The following RXRA variants were observed in gnomAD, a reference collection of about 807,000 sequenced individuals.
RXRA encodes retinoid X receptor alpha, also known as retinoic acid receptor RXR-alpha.
Under a neutral mutation model 44.5 loss-of-function variants are expected in RXRA, and 5 were observed. That is an observed-to-expected ratio of 0.11 (90% confidence interval 0.06 to 0.24). The LOEUF (loss-of-function observed/expected upper bound fraction) is 0.24, where lower values mean the gene tolerates loss of function less well. RXRA is among the 10% of genes least tolerant of loss of function. RXRA has a pLI of 1.00. For synonymous variants in RXRA, 291 were observed against 271.4 expected (o/e 1.07, Z -0.71); for missense variants, 412 against 646.5 (o/e 0.64, Z 3.93).
intron 1 of RXRA, among the ~76,000 whole-genome samples, chr9:134,389,267 G>A (rs894896076): frequency 1.3e-5 from 2 of 152,234 alleles, no homozygotes; most frequent in African/African-American, 2.4e-5. Flanking sequence ...TGGGTTCCCT[G>A]CACACGTGGG....
intron 2 of RXRA, 29 bp downstream of exon 2, chr9:134,401,911 G>T: frequency 6.5e-7 from 1 of 1,541,322 alleles, no homozygotes; most frequent in Non-Finnish European, 8.8e-7. Context: ...CAAGGGGAGG[G>T]GGTGGGGCCT....
chr9:134,404,160 G>A (rs1375220992), intron 2 of RXRA: 2 of 152,264 alleles, frequency 1.3e-5, no homozygotes, highest in Admixed American at 6.5e-5. Context: ...AGTCGCTGGA[G>A]CCAGAGAGAT....
At chr9:134,364,009 C>T (rs534825738) in intron 1 of RXRA, among the ~76,000 whole-genome samples, 12 of 152,332 alleles carry the variant, frequency 7.9e-5, no homozygotes, top group Non-Finnish European at 1.6e-4. Context: ...TCTCCTCTCC[C>T]AGTTGCCCCT....
chr9:134,351,525 G>T (rs943626277), intron 1 of RXRA, among the ~76,000 whole-genome samples: 2 of 152,348 alleles, frequency 1.3e-5, no homozygotes, highest in South Asian at 2.1e-4. Flanking sequence ...CTCAGGAAAC[G>T]CAATCCCTTC....
At chr9:134,347,941 AC>A (rs1279049093) in intron 1 of RXRA, among the ~76,000 whole-genome samples, 1 of 151,610 alleles carries the variant, frequency 6.6e-6, no homozygotes, top group African/African-American at 2.4e-5. Flanking sequence ...GTGAGGATGG[AC>A]CCCAGGGGCA....
chr9:134,434,572 G>A (rs563216439), intron 9 of RXRA, among the ~76,000 whole-genome samples: 8 of 152,210 alleles, frequency 5.3e-5, no homozygotes, highest in Non-Finnish European at 1.0e-4. Flanking sequence ...ACAAGCATGT[G>A]TAGAATGGAT....
rs553721842 is a variant in RXRA, at chr9:134,379,538, A to G, written c.29-22094A>G. The G allele has an allele frequency of 2.6e-5, 26 of 985,536 alleles. No homozygotes were observed. The South Asian group carries it at 1.0e-3, about 39-fold the overall frequency. The allele number at this position is 985,536 out of a possible 1,614,324, so 61.0% of individuals were successfully genotyped here. On this transcript the variant is annotated intron_variant, in intron 1 of 9. Coordinates refer to ENST00000481739, the MANE Select transcript of RXRA (RefSeq NM_002957.6). ...CAGGCACTGCCAGTGGCCGTGGCCC[A>G]GGGTCTTGGTGGCTCGGCCTCATGG... is the stretch of plus-strand genomic sequence containing the variant.
At chr9:134,422,337 C>A (rs1564294930) in intron 6 of RXRA, 1 of 1,284,556 alleles carries the variant, frequency 7.8e-7, no homozygotes, top group Non-Finnish European at 1.0e-6. Flanking sequence ...TCCTGGGACA[C>A]TACCCCCTCC....
At chr9:134,354,680 C>T (rs1830262088) in intron 1 of RXRA, among the ~76,000 whole-genome samples, 2 of 152,234 alleles carry the variant, frequency 1.3e-5, no homozygotes, top group African/African-American at 2.4e-5. Flanking sequence ...CAGGGTTCCT[C>T]CTGCAGCTGT....
At chr9:134,326,718 A>T in intron 1 of RXRA, 59 bp downstream of exon 1, 1 of 323,820 alleles carries the variant, frequency 3.1e-6, no homozygotes, top group Non-Finnish European at 4.1e-6. Flanking sequence ...GGCGGGCGGG[A>T]GGGGGCCGGG....
At position 134,422,167 on chromosome 9, in the gene RXRA, C is replaced by T. The variant is rs868690043; in HGVS notation, c.910+362C>T. On this transcript the variant is annotated intron_variant, in intron 6 of 9. Transcript: ENST00000481739. ...ACACACTTCCCCCTCCTGGGACACA[C>T]TTCCCCCTCCTGGGACACACTTCCC... The T allele has an allele frequency of 3.9e-5, 50 of 1,297,834 alleles. No homozygotes were observed. The Middle Eastern group carries it at 1.1e-3, about 27-fold the overall frequency. The allele number at this position is 1,297,834 out of a possible 1,614,324, so 80.4% of individuals were successfully genotyped here. A position where few individuals can be genotyped will look rare whatever the true frequency, so the allele number is the denominator to read the frequency against.
rs944134136 is a variant in RXRA at position 134,379,519 on chromosome 9, C to T, written c.29-22113C>T. 18 of 986,150 alleles carry T rather than the reference C, an allele frequency of 1.8e-5. No individual in the cohort carries two copies. The Admixed American group carries it at 1.8e-4, about 10-fold the overall frequency. The allele number at this position is 986,150 out of a possible 1,614,324, so 61.1% of individuals were successfully genotyped here. A position where few individuals can be genotyped will look rare whatever the true frequency, so the allele number is the denominator to read the frequency against. ...CATCACTGACCGTCTGTGGCAGGCA[C>T]TGCCAGTGGCCGTGGCCCAGGGTCT... On this transcript the variant is annotated intron_variant, in intron 1 of 9. Coordinates refer to ENST00000481739, the MANE Select transcript of RXRA (RefSeq NM_002957.6).
At position 134,439,912 on chromosome 9, in the gene RXRA, G is replaced by A. The variant is rs1260421601; in HGVS notation, c.*3298G>A. On this transcript the variant is annotated 3_prime_UTR_variant, in exon 10 of 10. Transcript: ENST00000481739. ...CCCTCCTTTGGTGAAATCCGGGTTC[G>A]AATGAATATCTCAAGGCAGGAGATG... 1.3e-5 allele frequency: 2 copies of A among 152,378 alleles called. No individual in the cohort carries two copies. Among genetic ancestry groups the A allele is most frequent in the East Asian group, 1.9e-4 (1 of 5,196 alleles). 9.4% of individuals were successfully genotyped at this position (152,378 alleles called of 1,614,324 possible). A position where few individuals can be genotyped will look rare whatever the true frequency, so the allele number is the denominator to read the frequency against.
At chr9:134,351,307 C>T (rs1341414822) in intron 1 of RXRA, among the ~76,000 whole-genome samples, 4 of 152,190 alleles carry the variant, frequency 2.6e-5, no homozygotes, top group East Asian at 1.9e-4. Flanking sequence ...AAGGGGCAGT[C>T]GGGAGGTCAC....
At chr9:134,331,205 C>T (rs1169275800) in intron 1 of RXRA, among the ~76,000 whole-genome samples, 4 of 152,216 alleles carry the variant, frequency 2.6e-5, no homozygotes, top group African/African-American at 9.6e-5. Context: ...GGGCGAGGGA[C>T]CGCGGTTTGC....
intron 1 of RXRA, among the ~76,000 whole-genome samples, chr9:134,346,983 C>T (rs1421115764): frequency 1.3e-5 from 2 of 152,296 alleles, no homozygotes; most frequent in East Asian, 3.9e-4. Flanking sequence ...CTGGACCTGG[C>T]CCTTGCGGGG....
At chr9:134,392,837 G>C (rs969246399) in intron 1 of RXRA, among the ~76,000 whole-genome samples, 4 of 152,106 alleles carry the variant, frequency 2.6e-5, no homozygotes, top group African/African-American at 9.7e-5. Context: ...TGAGGTTTGT[G>C]CCAGTCGTGG....
intron 1 of RXRA, among the ~76,000 whole-genome samples, chr9:134,368,896 ATGTG>A (rs1199430553): frequency 3.1e-5 from 1 of 31,782 alleles, no homozygotes; most frequent in Non-Finnish European, 5.9e-5. Flanking sequence ...TGCAGGGGTT[ATGTG>A]TGTGTGGGGG....
chr9:134,432,294 C>T (rs1164653259), intron 8 of RXRA, among the ~76,000 whole-genome samples: 4 of 152,250 alleles, frequency 2.6e-5, no homozygotes, highest in African/African-American at 4.8e-5. Context: ...CACTGTGCGT[C>T]GGAATCCAGA....
Sources: allele counts gnomAD v4.1 joint callset (sites outside exome capture counted in the v4.1 genomes callset), GRCh38; gene constraint gnomAD v4.1.1; transcripts MANE v1.5; gene names NCBI Gene and HGNC (gene_info 2026-07-23, HGNC 2026-07-21).